Variants in CCDC15 observed in about 807,000 individuals in gnomAD.
CCDC15 encodes the protein coiled-coil domain containing 15, also known as coiled-coil domain-containing protein 15.
Under a neutral mutation model 114.5 loss-of-function variants are expected in CCDC15, and 105 were observed. That is an observed-to-expected ratio of 0.92 (90% CI 0.78 to 1.08). The LOEUF (loss-of-function observed/expected upper bound fraction) is 1.08, where lower values mean the gene tolerates loss of function less well. Ranked by LOEUF, CCDC15 falls within the 50% of genes least tolerant of loss-of-function variation. The probability of loss-of-function intolerance (pLI) is 0.00; values close to 1 mark genes in which losing one functional copy is unlikely to be tolerated. For missense variants in CCDC15, 1,105 were observed against 1,093.6 expected, an observed-to-expected ratio of 1.01 and a Z score of -0.15; for synonymous variants, 334 against 377.8, an observed-to-expected ratio of 0.88 and a Z score of 1.34.
chr11:124,979,445 T>G (rs1304858349), intron 6 of CCDC15, among the ~76,000 whole-genome samples: 1 of 152,236 alleles, frequency 6.6e-6, no homozygotes, highest in Non-Finnish European at 1.5e-5. Context: ...GTTTGTGTCA[T>G]CTCTGATTTC....
chr11:124,996,251 C>T (rs567264206), intron 11 of CCDC15, among the ~76,000 whole-genome samples: 2 of 152,322 alleles, frequency 1.3e-5, no homozygotes, highest in East Asian at 3.8e-4. Context: ...CCTACCCTGA[C>T]TATTCTAAAT....
chr11:124,973,565 T>C (rs1947921551), intron 4 of CCDC15, among the ~76,000 whole-genome samples: 1 of 152,058 alleles, frequency 6.6e-6, no homozygotes, highest in South Asian at 2.1e-4. Flanking sequence ...TGTAAAAAAA[T>C]CTGGGCTGGT....
At chr11:124,979,415 C>A (rs1391961099) in intron 6 of CCDC15, among the ~76,000 whole-genome samples, 1 of 152,170 alleles carries the variant, frequency 6.6e-6, no homozygotes, top group East Asian at 1.9e-4. Context: ...TATCCATGAG[C>A]ATGAAATGTT....
chr11:124,999,523 A>C lies in CCDC15; in HGVS notation c.2215-4344A>C, dbSNP rs569957432. ...TCATTTATATTGATCCAATAGATTC[A>C]AGTTCACTGACTTTTTTTTCATTCT... On this transcript the variant is annotated intron_variant, in intron 11 of 15. Transcript: ENST00000344762. Among the ~76,000 whole-genome samples, 20 of 151,512 alleles carry C rather than the reference A, an allele frequency of 1.3e-4. No individual in the cohort carries two copies. The South Asian group carries it at 4.2e-3, about 32-fold the overall frequency.
intron 12 of CCDC15, 90 bp downstream of exon 12, chr11:125,004,049 C>T: frequency 1.6e-6 from 1 of 614,562 alleles, no homozygotes; most frequent in Non-Finnish European, 2.6e-6. Context: ...TGTGTCCTAA[C>T]ACATAAAAGA....
chr11:124,992,307 T>C (rs1948283892), intron 9 of CCDC15, among the ~76,000 whole-genome samples: 1 of 152,220 alleles, frequency 6.6e-6, no homozygotes, highest in South Asian at 2.1e-4. Flanking sequence ...ACAGTATTGC[T>C]GCAAGCATAA....
intron 13 of CCDC15, among the ~76,000 whole-genome samples, chr11:125,025,069 T>TAC (rs769640871): frequency 1.7e-5 from 1 of 59,468 alleles, no homozygotes. Context: ...TATATATGAA[T>TAC]ATATGAATAT....
rs1010003966 is a variant in CCDC15 at position 124,992,489 on chromosome 11, C to T, written c.2032-91C>T. Reference sequence around the variant, plus strand: ...AATATTTTTACCTGGTTTCATTTCTCTGGAGTTTTCACTGAAGCTTATGAT... The same window carrying T: ...AATATTTTTACCTGGTTTCATTTCTTTGGAGTTTTCACTGAAGCTTATGAT... On this transcript the variant is annotated intron_variant, in intron 9 of 15. Transcript: ENST00000344762. 46 of 721,796 alleles carry T rather than the reference C, an allele frequency of 6.4e-5. No homozygotes were observed. In the African/African-American group the frequency reaches 7.3e-4, roughly 12 times the overall value. The allele number at this position is 721,796 out of a possible 1,614,324, so 44.7% of individuals were successfully genotyped here. A position where few individuals can be genotyped will look rare whatever the true frequency, so the allele number is the denominator to read the frequency against.
rs1948518415 is a variant in CCDC15 at position 125,003,906 on chromosome 11, C to T, written c.2254C>T (p.Gln752Ter). Reference protein sequence around the residue: ...RYQSGLSTEFQAPLAFQSDVD... With the variant: ...RYQSGLSTEF Reference sequence around the variant, plus strand: ...TCAATCAGGATTGAGCACTGAATTCCAAGCTCCACTGGCATTTCAGTCTGA... The same window carrying T: ...TCAATCAGGATTGAGCACTGAATTCTAAGCTCCACTGGCATTTCAGTCTGA... Residue 752 changes from glutamine (Q) to a stop codon, truncating the protein, a stop_gained, in exon 12 of 16, where the codon CAA (glutamine) becomes TAA (stop). Coordinates refer to ENST00000344762, the MANE Select transcript of CCDC15 (RefSeq NM_025004.3). LOFTEE classifies it high-confidence loss of function. The T allele has an allele frequency of 6.4e-7, 1 of 1,566,460 alleles. No homozygotes were observed. Among genetic ancestry groups the T allele is most frequent in the Non-Finnish European group, 8.6e-7 (1 of 1,162,348 alleles).
At chr11:125,012,469 T>C (rs1429669429) in intron 13 of CCDC15, among the ~76,000 whole-genome samples, 1 of 152,144 alleles carries the variant, frequency 6.6e-6, no homozygotes, top group African/African-American at 2.4e-5. Context: ...TAATCTAAGT[T>C]GGGGAGGGAG....
At chr11:125,013,107 G>A (rs1343917275) in intron 13 of CCDC15, among the ~76,000 whole-genome samples, 1 of 152,158 alleles carries the variant, frequency 6.6e-6, no homozygotes, top group Non-Finnish European at 1.5e-5. Context: ...GATAGGATGA[G>A]CACCAAGAGA....
At position 125,016,229 on chromosome 11, in the gene CCDC15, G is replaced by T. The variant is rs933948096; in HGVS notation, c.2411+11017G>T. ...CAAGGACTCCTGAAATATTTATGTGGCATCCCACTAGTGAAAATAGATTTC... is the reference window on the plus strand; with the variant it reads ...CAAGGACTCCTGAAATATTTATGTGTCATCCCACTAGTGAAAATAGATTTC... On this transcript the variant is annotated intron_variant, in intron 13 of 15. Coordinates refer to ENST00000344762, the MANE Select transcript of CCDC15 (RefSeq NM_025004.3). Among the ~76,000 whole-genome samples, 86 of 152,046 alleles carry T rather than the reference G, an allele frequency of 5.7e-4. 1 individual carries two copies. The highest frequency in any genetic ancestry group is 2.0e-3 in the African/African-American group (82 of 41,402).
intron 4 of CCDC15, among the ~76,000 whole-genome samples, chr11:124,963,199 T>C (rs1291198959): frequency 6.6e-6 from 1 of 152,204 alleles, no homozygotes; most frequent in Non-Finnish European, 1.5e-5. Flanking sequence ...TAGTTCTAGA[T>C]CCTTGAGGAA....
Position 125,040,972 on chromosome 11 carries a change from C to T in CCDC15, c.*261C>T, listed in dbSNP as rs1192409579. ...GATCAGACAAGTAAGGCTTCTCTTA[C>T]TTTGCTCTGCTCTGATCAGAAGAGC... On this transcript the variant is annotated 3_prime_UTR_variant, in exon 16 of 16. Transcript: ENST00000344762. 2.6e-5 allele frequency: 10 copies of T among 382,494 alleles called. No homozygotes were observed. Among genetic ancestry groups the T allele is most frequent in the Non-Finnish European group, 4.8e-5 (10 of 209,266 alleles). The allele number at this position is 382,494 out of a possible 1,614,324, so 23.7% of individuals were successfully genotyped here. A position where few individuals can be genotyped will look rare whatever the true frequency, so the allele number is the denominator to read the frequency against.
At chr11:124,986,714 T>C (rs11219863) in intron 6 of CCDC15, 28 bp from the exon 7 acceptor site, 163,064 of 1,255,976 alleles carry the variant, frequency 0.13, 19,188 homozygotes, top group African/African-American at 0.38. Flanking sequence ...CGCGCGCGCG[T>C]GCGCGTTTTC....
intron 6 of CCDC15, among the ~76,000 whole-genome samples, chr11:124,977,837 A>G (rs189884186): frequency 1.3e-5 from 2 of 152,220 alleles, no homozygotes; most frequent in African/African-American, 2.4e-5. Flanking sequence ...AGAGCATTTT[A>G]TTTTTAATTT....
chr11:124,965,774 A>G (rs1232240557), intron 4 of CCDC15, among the ~76,000 whole-genome samples: 2 of 152,166 alleles, frequency 1.3e-5, no homozygotes, highest in Non-Finnish European at 2.9e-5. Flanking sequence ...TCTTGTGGGC[A>G]TTTAGTGCTA....
chr11:124,978,214 A>G (rs986466884), intron 6 of CCDC15, among the ~76,000 whole-genome samples: 5 of 152,208 alleles, frequency 3.3e-5, no homozygotes, highest in Non-Finnish European at 2.9e-5. Context: ...ATGGCTGCAT[A>G]GTATTCCATG....
intron 4 of CCDC15, among the ~76,000 whole-genome samples, chr11:124,967,407 T>C (rs943525057): frequency 6.6e-6 from 1 of 152,224 alleles, no homozygotes; most frequent in Non-Finnish European, 1.5e-5. Flanking sequence ...ATACCCTTTC[T>C]TCCACTTGAT....
Sources: gnomAD v4.1 joint callset for allele counts (sites outside exome capture counted in the v4.1 genomes callset) on GRCh38, gnomAD v4.1.1 for gene constraint, MANE v1.5 for transcripts, NCBI Gene and HGNC (gene_info 2026-07-23, HGNC 2026-07-21) for gene names.